Variants in FOXJ3 observed in about 807,000 individuals in gnomAD.
FOXJ3 encodes the protein forkhead box protein J3.
FOXJ3 carries 22 observed loss-of-function variants against 76.1 expected under a neutral mutation model. The observed-to-expected ratio is 0.29, with a 90% CI of 0.21 to 0.41. The LOEUF (loss-of-function observed/expected upper bound fraction) is 0.41, where lower values mean the gene tolerates loss of function less well. Ranked by LOEUF, FOXJ3 falls within the 10% of genes least tolerant of loss-of-function variation. The probability of loss-of-function intolerance (pLI) is 1.00; values close to 1 mark genes in which losing one functional copy is unlikely to be tolerated. For synonymous variants in FOXJ3, 269 were observed against 261.2 expected (o/e 1.03, Z -0.29); for missense variants, 613 against 762.1 (o/e 0.80, Z 2.30).
At chr1:42,295,529 T>TC in intron 2 of FOXJ3, among the ~76,000 whole-genome samples, 1 of 142,800 alleles carries the variant, frequency 7.0e-6, no homozygotes, top group Non-Finnish European at 1.5e-5. Context: ...CTTTTTTTTT[T>TC]TTTTTTTTTT....
chr1:42,297,752 G>A (rs909838471), intron 2 of FOXJ3, among the ~76,000 whole-genome samples: 1 of 151,828 alleles, frequency 6.6e-6, no homozygotes, highest in Non-Finnish European at 1.5e-5. Flanking sequence ...TTGGTATCTG[G>A]TGTCCTCACC....
intron 2 of FOXJ3, among the ~76,000 whole-genome samples, chr1:42,285,441 T>C (rs1652990303): frequency 6.6e-6 from 1 of 152,106 alleles, no homozygotes; most frequent in African/African-American, 2.4e-5. Flanking sequence ...GGCAGGTCCT[T>C]TGGCTCTAAT....
intron 2 of FOXJ3, among the ~76,000 whole-genome samples, chr1:42,294,311 T>C (rs1190211421): frequency 6.6e-6 from 1 of 152,224 alleles, no homozygotes; most frequent in Non-Finnish European, 1.5e-5. Context: ...GCTCTGAATG[T>C]TGTACTATAC....
intron 1 of FOXJ3, among the ~76,000 whole-genome samples, chr1:42,326,242 C>G (rs1228336660): frequency 1.3e-5 from 2 of 152,090 alleles, no homozygotes; most frequent in African/African-American, 4.8e-5. Flanking sequence ...CGGAGTGAGA[C>G]TCCAACTCAA....
At chr1:42,248,986 A>G (rs914182460) in intron 4 of FOXJ3, among the ~76,000 whole-genome samples, 2 of 151,922 alleles carry the variant, frequency 1.3e-5, no homozygotes, top group Non-Finnish European at 2.9e-5. Context: ...TCCCACTATG[A>G]GTGAGAACAT....
intron 2 of FOXJ3, among the ~76,000 whole-genome samples, chr1:42,287,056 T>C (rs1399167479): frequency 6.6e-6 from 1 of 151,776 alleles, no homozygotes; most frequent in Non-Finnish European, 1.5e-5. Flanking sequence ...AAAGAAAAAG[T>C]TGGCTGGGAT....
intron 3 of FOXJ3, among the ~76,000 whole-genome samples, chr1:42,277,919 G>GTGAGCCAAGATCGCGCCACTGCAC (rs1652408389): frequency 6.7e-6 from 1 of 148,538 alleles, no homozygotes; most frequent in Non-Finnish European, 1.5e-5. Context: ...GAAGCTTGCA[G>GTGAGCCAAGATCGCGCCACTGCAC]TGAGCCAAGA....
At chr1:42,307,221 C>T (rs1322714556) in intron 2 of FOXJ3, among the ~76,000 whole-genome samples, 1 of 149,120 alleles carries the variant, frequency 6.7e-6, no homozygotes, top group Non-Finnish European at 1.5e-5. Context: ...CCAACACTTG[C>T]AGAACTAGCT....
intron 1 of FOXJ3, among the ~76,000 whole-genome samples, chr1:42,328,772 T>G (rs1655989980): frequency 6.6e-6 from 1 of 151,578 alleles, no homozygotes; most frequent in African/African-American, 2.4e-5. Context: ...GTTCAAGCGA[T>G]TCTCCTGCCT....
intron 4 of FOXJ3, among the ~76,000 whole-genome samples, chr1:42,237,826 T>C (rs894380194): frequency 2.6e-5 from 4 of 151,948 alleles, no homozygotes; most frequent in African/African-American, 9.7e-5. Context: ...GGAGCAATAT[T>C]AATTTTTTGT....
chr1:42,251,907 C>T (rs538385932), intron 4 of FOXJ3, among the ~76,000 whole-genome samples: 1,821 of 151,654 alleles, frequency 0.012, 23 homozygotes, highest in African/African-American at 0.041. Flanking sequence ...TTAGTAGAGA[C>T]GGGGTTTCAC....
At chr1:42,294,138 T>C (rs994423687) in intron 2 of FOXJ3, among the ~76,000 whole-genome samples, 1 of 152,134 alleles carries the variant, frequency 6.6e-6, no homozygotes, top group Non-Finnish European at 1.5e-5. Context: ...GAATCAAGTC[T>C]CCCATTCAAT....
intron 6 of FOXJ3, among the ~76,000 whole-genome samples, chr1:42,203,282 T>G (rs1165502861): frequency 6.6e-6 from 1 of 152,224 alleles, no homozygotes; most frequent in Non-Finnish European, 1.5e-5. Flanking sequence ...TACATTGTCT[T>G]CCCCCAACTG....
intron 7 of FOXJ3, among the ~76,000 whole-genome samples, chr1:42,197,109 T>A (rs1646666224): frequency 6.6e-6 from 1 of 152,196 alleles, no homozygotes; most frequent in Admixed American, 6.5e-5. Flanking sequence ...TGCCTTCACA[T>A]ATGAATTAAA....
intron 5 of FOXJ3, among the ~76,000 whole-genome samples, chr1:42,209,227 A>G (rs990486031): frequency 2.6e-5 from 4 of 152,250 alleles, no homozygotes; most frequent in African/African-American, 7.2e-5. Context: ...AGATTAACCT[A>G]TAAAAATCAG....
intron 5 of FOXJ3, among the ~76,000 whole-genome samples, chr1:42,220,779 T>TCCTATCTCCTTGC (rs1417199243): frequency 1.3e-5 from 2 of 152,170 alleles, no homozygotes; most frequent in African/African-American, 4.8e-5. Flanking sequence ...CATTCCCTTG[T>TCCTATCTCCTTGC]CCTATCTCCT....
intron 5 of FOXJ3, among the ~76,000 whole-genome samples, chr1:42,226,173 T>C (rs577008525): frequency 6.6e-6 from 1 of 151,836 alleles, no homozygotes; most frequent in Non-Finnish European, 1.5e-5. Context: ...GTCCATGCAT[T>C]AAGCCTACTT....
intron 4 of FOXJ3, among the ~76,000 whole-genome samples, chr1:42,260,756 C>A (rs186060337): frequency 6.0e-4 from 91 of 152,266 alleles, no homozygotes; most frequent in African/African-American, 2.1e-3. Context: ...CCTCACAAAC[C>A]AGGAGAACCC....
chr1:42,226,318 T>C lies in FOXJ3; in HGVS notation c.528+1565A>G, dbSNP rs116030815. On this transcript the variant is annotated intron_variant, in intron 5 of 12. Transcript: ENST00000361346. ...GAGCTTATCAACATCTCTTGTAAAA[T>C]TGTCTAGCTCTGGCCGGGCACGGCG... 8.7e-3 allele frequency among the ~76,000 whole-genome samples: 1,328 copies of C among 152,196 alleles called. 4 individuals are homozygous for C. The highest frequency in any genetic ancestry group is 0.014 in the Non-Finnish European group (986 of 68,020).
Sources: gnomAD v4.1 joint callset for allele counts (sites outside exome capture counted in the v4.1 genomes callset) on GRCh38, gnomAD v4.1.1 for gene constraint, MANE v1.5 for transcripts, NCBI Gene and HGNC (gene_info 2026-07-23, HGNC 2026-07-21) for gene names.